Variants in MORC1 observed in about 807,000 individuals in gnomAD.
The protein encoded by MORC1 is MORC family CW-type zinc finger protein 1.
Under a neutral mutation model 134.9 loss-of-function variants are expected in MORC1, and 59 were observed. The ratio of observed to expected loss-of-function variants is 0.44; its 90% confidence interval spans 0.35 to 0.54. The LOEUF (loss-of-function observed/expected upper bound fraction) is 0.54, where lower values mean the gene tolerates loss of function less well. Among genes scored for constraint, MORC1 ranks in the 20% least tolerant of loss-of-function variants. MORC1 has a pLI of 0.00. For synonymous variants in MORC1, 395 were observed against 391.7 expected, an observed-to-expected ratio of 1.01 and a Z score of -0.10; for missense variants, 947 against 1,134.5, an observed-to-expected ratio of 0.83 and a Z score of 2.37.
chr3:109,006,819 G>C (rs976066257), intron 18 of MORC1, among the ~76,000 whole-genome samples: 4 of 152,102 alleles, frequency 2.6e-5, no homozygotes, highest in African/African-American at 9.7e-5. Context: ...GTAAGATAAT[G>C]GGTGATTTAA....
intron 21 of MORC1, among the ~76,000 whole-genome samples, chr3:108,995,440 T>C (rs1323830121): frequency 6.6e-6 from 1 of 152,126 alleles, no homozygotes; most frequent in Non-Finnish European, 1.5e-5. Context: ...GGGCAGGACA[T>C]GTGTTTTGAG....
chr3:109,044,216 A>G (rs1257673298), intron 14 of MORC1, among the ~76,000 whole-genome samples: 1 of 152,160 alleles, frequency 6.6e-6, no homozygotes, highest in African/African-American at 2.4e-5. Flanking sequence ...TATTCAGTAG[A>G]TTCCTAATAT....
intron 21 of MORC1, among the ~76,000 whole-genome samples, chr3:108,993,731 T>C (rs1362365524): frequency 1.3e-5 from 2 of 152,174 alleles, no homozygotes; most frequent in African/African-American, 4.8e-5. Context: ...GTCAGAAAAA[T>C]GATGTGTATC....
intron 8 of MORC1, among the ~76,000 whole-genome samples, chr3:109,080,989 A>G (rs1950509733): frequency 6.6e-6 from 1 of 152,136 alleles, no homozygotes; most frequent in South Asian, 2.1e-4. Context: ...GATTTATTAG[A>G]ACAATATTAA....
chr3:109,082,611 T>G (rs1229163158), intron 8 of MORC1, among the ~76,000 whole-genome samples: 1 of 152,074 alleles, frequency 6.6e-6, no homozygotes, highest in Non-Finnish European at 1.5e-5. Flanking sequence ...AAACAAATCT[T>G]GGAACTGAGA....
chr3:109,088,362 C>T (rs1950655611), intron 8 of MORC1, among the ~76,000 whole-genome samples: 2 of 151,882 alleles, frequency 1.3e-5, no homozygotes, highest in Admixed American at 1.3e-4. Flanking sequence ...CTGTAAGAAA[C>T]CTAAACTTAC....
At chr3:109,108,626 G>A (rs1485938196) in intron 3 of MORC1, among the ~76,000 whole-genome samples, 2 of 152,116 alleles carry the variant, frequency 1.3e-5, no homozygotes, top group Non-Finnish European at 2.9e-5. Context: ...AGCCAGGCGC[G>A]GTGGCTCAAG....
chr3:109,099,256 A>T, intron 6 of MORC1, 102 bp downstream of exon 6: 2 of 782,354 alleles, frequency 2.6e-6, no homozygotes, highest in Non-Finnish European at 4.0e-6. Flanking sequence ...CTAAGTTTCT[A>T]AATAATATCA....
intron 21 of MORC1, among the ~76,000 whole-genome samples, chr3:108,995,148 A>C (rs1287410534): frequency 6.6e-6 from 1 of 152,194 alleles, no homozygotes; most frequent in Non-Finnish European, 1.5e-5. Context: ...CCAGTTTATC[A>C]CACAGCAGTG....
At position 109,054,846 on chromosome 3, in the gene MORC1, G is replaced by C. The variant is rs1949918757; in HGVS notation, c.1212C>G (p.Pro404=). Residue 404 remains proline (P), a synonymous_variant, in exon 14 of 28, where the codon CCC becomes CCG. Coordinates refer to ENST00000232603, the MANE Select transcript of MORC1 (RefSeq NM_014429.4). ...GAGVVGIVNI[P]LEVMEPSHNK... ...TATGGGATGGTTCCATGACCTCCAA[G>C]GGTATATTAACAATTCCAACCACGC... is the stretch of plus-strand genomic sequence containing the variant. 1.2e-6 allele frequency: 2 copies of C among 1,605,792 alleles called. No homozygotes were observed. Among genetic ancestry groups the C allele is most frequent in the Non-Finnish European group, 1.7e-6 (2 of 1,178,192 alleles).
At chr3:109,017,085 C>A (rs537503822) in intron 17 of MORC1, among the ~76,000 whole-genome samples, 1 of 152,222 alleles carries the variant, frequency 6.6e-6, no homozygotes, top group African/African-American at 2.4e-5. Flanking sequence ...TTACCCATGG[C>A]GTCTATTTCT....
intron 18 of MORC1, 80 bp downstream of exon 18, chr3:109,006,949 A>G: frequency 2.7e-6 from 3 of 1,108,302 alleles, no homozygotes; most frequent in South Asian, 1.6e-5. Context: ...AACCATGATG[A>G]CAGTTGGCCC....
At chr3:109,108,624 G>A (rs995720414) in intron 3 of MORC1, among the ~76,000 whole-genome samples, 5 of 152,222 alleles carry the variant, frequency 3.3e-5, no homozygotes, top group Middle Eastern at 3.4e-3. Flanking sequence ...TCAGCCAGGC[G>A]CGGTGGCTCA....
intron 21 of MORC1, among the ~76,000 whole-genome samples, chr3:108,995,889 T>C (rs1485301536): frequency 6.6e-6 from 1 of 152,178 alleles, no homozygotes; most frequent in Non-Finnish European, 1.5e-5. Context: ...GTGCCATATA[T>C]CGGTGGACCT....
At chr3:108,996,290 A>G (rs62272132) in intron 21 of MORC1, among the ~76,000 whole-genome samples, 47 of 63,194 alleles carry the variant, frequency 7.4e-4, no homozygotes, top group South Asian at 4.3e-3. Flanking sequence ...GCGCGCGCAC[A>G]CACACACACA....
intron 24 of MORC1, among the ~76,000 whole-genome samples, chr3:108,974,368 A>T (rs766124625): frequency 6.6e-6 from 1 of 152,222 alleles, no homozygotes; most frequent in Non-Finnish European, 1.5e-5. Flanking sequence ...CTCTTTAAAA[A>T]TTACTTCAGT....
intron 23 of MORC1, among the ~76,000 whole-genome samples, chr3:108,980,705 AATGCAAGAGACTTTTAAACTAAAGTTT>A (rs1203452401): frequency 2.0e-5 from 3 of 152,254 alleles, no homozygotes; most frequent in Non-Finnish European, 4.4e-5. Flanking sequence ...CTTAACTAAG[AATGCAAGAGACTTTTAAACTAAAGTTT>A]ATTTTAGCCT....
intron 17 of MORC1, among the ~76,000 whole-genome samples, chr3:109,012,287 A>G (rs1436150167): frequency 6.6e-6 from 1 of 152,168 alleles, no homozygotes; most frequent in Non-Finnish European, 1.5e-5. Context: ...TAAACTCTCT[A>G]TTCCATTTCA....
chr3:108,990,158 C>T (rs1382357884), intron 21 of MORC1, among the ~76,000 whole-genome samples: 1 of 152,122 alleles, frequency 6.6e-6, no homozygotes, highest in Non-Finnish European at 1.5e-5. Context: ...ATAAATTATC[C>T]AGTCTCAGGT....
Sources: allele counts gnomAD v4.1 joint callset (sites outside exome capture counted in the v4.1 genomes callset), GRCh38; gene constraint gnomAD v4.1.1; transcripts MANE v1.5; gene names NCBI Gene and HGNC (gene_info 2026-07-23, HGNC 2026-07-21).